CEP290: variants seen among roughly 807,000 people sequenced by gnomAD.
CEP290 encodes the protein centrosomal protein 290.
A neutral mutation model predicts 344.9 loss-of-function variants in CEP290; 317 were observed. That is an observed-to-expected ratio of 0.92 (90% CI 0.84 to 1.01). CEP290 has a LOEUF of 1.01. Among genes scored for constraint, CEP290 ranks in the 50% least tolerant of loss-of-function variants. The pLI is 0.00. For synonymous variants in CEP290, 932 were observed against 895.8 expected (o/e 1.04, Z -0.72); for missense variants, 2,754 against 2,761.4 (o/e 1.00, Z 0.06).
At chr12:88,080,574 C>T (rs938478041) in intron 37 of CEP290, among the ~76,000 whole-genome samples, 179 bp from the exon 38 acceptor site, 3 of 152,054 alleles carry the variant, frequency 2.0e-5, no homozygotes, top group African/African-American at 4.8e-5. Flanking sequence ...GGACTACGGG[C>T]GTGCACCATC....
At position 88,141,349 on chromosome 12, in the gene CEP290, G is replaced by A. The variant is rs1172845637; in HGVS notation, c.-27-15C>T. On this transcript the variant is annotated splice_polypyrimidine_tract_variant and intron_variant, in intron 1 of 53. Coordinates refer to ENST00000552810, the MANE Select transcript of CEP290 (RefSeq NM_025114.4). ...GTGCTCCACCTCTGTAACAAAACAG[G>A]TGTATATTAGCATTTTCAAGGTACA... The A allele has an allele frequency of 3.1e-6, 4 of 1,299,530 alleles. No individual in the cohort carries two copies. Among genetic ancestry groups the A allele is most frequent in the Non-Finnish European group, 3.3e-6 (3 of 920,114 alleles). 80.5% of individuals were successfully genotyped at this position (1,299,530 alleles called of 1,614,324 possible). A position where few individuals can be genotyped will look rare whatever the true frequency, so the allele number is the denominator to read the frequency against.
chr12:88,111,630 A>C (rs2038697795), intron 21 of CEP290, 64 bp downstream of exon 21: 3 of 1,374,776 alleles, frequency 2.2e-6, no homozygotes, highest in Non-Finnish European at 1.9e-6. Context: ...TAAAAAATTA[A>C]AAATTTCCTA....
rs1191221584 is a variant in CEP290 at position 88,096,983 on chromosome 12, AAGG to A, written c.3005_3007del (p.Ser1002del). The A allele has an allele frequency of 1.9e-6, 3 of 1,548,428 alleles. No individual in the cohort carries two copies. Among genetic ancestry groups the A allele is most frequent in the East Asian group, 2.3e-5 (1 of 42,672 alleles). ...ATTTATAGACTCCACTTGTTCTTTT[AAGG>A]AGATGTTTTCACACTGAATAAAGGA... On this transcript the variant is annotated inframe_deletion, in exon 27 of 54. Transcript: ENST00000552810.
In CEP290 at chr12:88,079,100, C is replaced by T. The variant is rs768888441; in HGVS notation, c.5356G>A (p.Glu1786Lys). The T allele has an allele frequency of 6.3e-7, 1 of 1,578,054 alleles. No individual in the cohort carries two copies. Among genetic ancestry groups the T allele is most frequent in the East Asian group, 2.3e-5 (1 of 43,072 alleles). ...CACGTGTTGATGTTCACCTTTAGCT[C>T]TCTAGTATGTCGATCAACGATTTGT... ...VQQIVDRHTR[E>K]LKTQVEDLNE... The change falls in exon 39 of 54, where the codon GAG becomes AAG. Residue 1786 changes from glutamate to lysine, a missense_variant. Transcript: ENST00000552810.
chr12:88,101,901 G>A (rs1320938481), intron 26 of CEP290, among the ~76,000 whole-genome samples: 5 of 152,110 alleles, frequency 3.3e-5, no homozygotes, highest in Admixed American at 6.6e-5. Flanking sequence ...GCAGCAGAAA[G>A]CAAACTGATT....
At chr12:88,092,241 C>T (rs970696486) in intron 29 of CEP290, among the ~76,000 whole-genome samples, 4 of 151,892 alleles carry the variant, frequency 2.6e-5, no homozygotes, top group African/African-American at 2.4e-5. Context: ...AGTAGATGCC[C>T]GATAAATGTA....
chr12:88,129,119 T>C (rs2039909382), intron 10 of CEP290, 84 bp from the exon 11 acceptor site: 2 of 612,826 alleles, frequency 3.3e-6, no homozygotes, highest in Non-Finnish European at 5.1e-6. Context: ...ATACATTATA[T>C]ATATAAATAT....
At chr12:88,091,635 T>G (rs2037051229) in intron 29 of CEP290, among the ~76,000 whole-genome samples, 1 of 152,122 alleles carries the variant, frequency 6.6e-6, no homozygotes, top group Admixed American at 6.5e-5. Flanking sequence ...TAAGTTAGTT[T>G]ATATCAAAAG....
intron 25 of CEP290, among the ~76,000 whole-genome samples, chr12:88,105,720 T>TTTCTTC (rs10670716): frequency 1.3e-5 from 2 of 151,842 alleles, no homozygotes; most frequent in African/African-American, 4.8e-5. Flanking sequence ...ATGGTTATCT[T>TTTCTTC]TTCTTCTTCT....
Position 88,096,924 on chromosome 12 carries a change from T to C in CEP290, c.3067A>G (p.Thr1023Ala). The change falls in exon 27 of 54, where the codon ACT (threonine) becomes GCT (alanine). Residue 1023 changes from threonine to alanine, a missense_variant. Thr to Ala is a moderately conservative substitution (Grantham distance 58). Transcript: ENST00000552810. ...TCCTGTTCCCAGGCTTGTTCAATAG[T>C]GTGAAGTTTTTCCTTGGTAATCTCC... ...ELEITKEKLH[T>A]IEQAWEQETK... 1 of 1,581,276 alleles carries C rather than the reference T, an allele frequency of 6.3e-7. No individual in the cohort carries two copies.
At position 88,059,944 on chromosome 12, in the gene CEP290, T is replaced by G; in HGVS notation, c.6599A>C (p.Glu2200Ala). The change falls in exon 48 of 54, where the codon GAA (glutamate) becomes GCA (alanine). Residue 2200 changes from glutamate to alanine, a missense_variant. Transcript: ENST00000552810. ...CCTTTCATTTTCAGCAATAATTTTTTCTGTGCCTTTGGTCTTGGATTCATA... is the reference window on the plus strand; with the variant it reads ...CCTTTCATTTTCAGCAATAATTTTTGCTGTGCCTTTGGTCTTGGATTCATA... ...MHYESKTKGTEKIIAENERLR... is the reference protein window; with the variant it reads ...MHYESKTKGTAKIIAENERLR... The G allele has an allele frequency of 6.3e-7, 1 of 1,593,806 alleles. No individual in the cohort carries two copies. The highest frequency in any genetic ancestry group is 2.2e-5 in the East Asian group (1 of 44,508).
intron 15 of CEP290, among the ~76,000 whole-genome samples, chr12:88,119,348 T>C (rs1369583975): frequency 6.6e-6 from 1 of 152,136 alleles, no homozygotes; most frequent in African/African-American, 2.4e-5. Context: ...GTCTGCACTA[T>C]CATAACACTC....
At chr12:88,055,410 G>A (rs1219644776) in intron 50 of CEP290, among the ~76,000 whole-genome samples, 166 bp downstream of exon 50, 2 of 152,144 alleles carry the variant, frequency 1.3e-5, no homozygotes, top group Admixed American at 6.5e-5. Context: ...GAATGAAGTC[G>A]TTGATGATCC....
At position 88,111,166 on chromosome 12, in the gene CEP290, TAAAATTTTCAATACCTGTAAC is replaced by T. The variant is rs2137706402; in HGVS notation, c.2367+15_2367+35del. 5 of 1,229,694 alleles carry T rather than the reference TAAAATTTTCAATACCTGTAAC, an allele frequency of 4.1e-6. No homozygotes were observed. The highest frequency in any genetic ancestry group is 2.9e-4 in the Middle Eastern group (1 of 3,410). The allele number at this position is 1,229,694 out of a possible 1,614,324, so 76.2% of individuals were successfully genotyped here. A position where few individuals can be genotyped will look rare whatever the true frequency, so the allele number is the denominator to read the frequency against. On this transcript the variant is annotated intron_variant, in intron 22 of 53. Coordinates refer to ENST00000552810, the MANE Select transcript of CEP290 (RefSeq NM_025114.4). ...ACCAATGATTTTTGTTATTCACATGTAAAATTTTCAATACCTGTAACAAAATTTTCAATACCTGTAACAAAT... is the reference window on the plus strand; with the variant it reads ...ACCAATGATTTTTGTTATTCACATGTAAAATTTTCAATACCTGTAACAAAT...
At chr12:88,071,949 AG>A in intron 41 of CEP290, 23 bp from the exon 42 acceptor site, 5 of 1,547,374 alleles carry the variant, frequency 3.2e-6, no homozygotes, top group Non-Finnish European at 4.3e-6. Context: ...CGAAGGAGGT[AG>A]GAAAATTACC....
At position 88,129,794 on chromosome 12, in the gene CEP290, T is replaced by C; in HGVS notation, c.752A>G (p.Glu251Gly). The C allele has an allele frequency of 6.7e-7, 1 of 1,483,986 alleles. No individual in the cohort carries two copies. Among genetic ancestry groups the C allele is most frequent in the Non-Finnish European group, 9.0e-7 (1 of 1,111,486 alleles). 91.9% of individuals were successfully genotyped at this position (1,483,986 alleles called of 1,614,324 possible). A position where few individuals can be genotyped will look rare whatever the true frequency, so the allele number is the denominator to read the frequency against. Residue 251 changes from glutamate (E) to glycine (G), a missense_variant, in exon 10 of 54, where the codon GAG becomes GGG. By Grantham distance (98) the Glu-to-Gly change is moderately conservative (BLOSUM62 -2). Transcript: ENST00000552810. ...TCTATTATATTCATCAGTCATCTTC[T>C]CCATTTCCTGTACAGACTCTTCTAA... is the stretch of plus-strand genomic sequence containing the variant. ...KNLEESVQEM[E>G]KMTDEYNRMK...
chr12:88,093,825 G>A lies in CEP290; in HGVS notation c.3254C>T (p.Thr1085Ile). Residue 1085 changes from threonine to isoleucine, a missense_variant, in exon 28 of 54, where the codon ACT (threonine) becomes ATT (isoleucine). Physicochemically the swap from Thr to Ile is moderately conservative, Grantham distance 89. Coordinates refer to ENST00000552810, the MANE Select transcript of CEP290 (RefSeq NM_025114.4). ...ACGTTCCTCCATTTGCTTTAACGAA[G>A]TCCGTAAGTGTTCATACATTTTTTG... ...HCQKMYEHLR[T>I]SLKQMEERNF... The A allele has an allele frequency of 6.2e-7, 1 of 1,612,560 alleles. No individual in the cohort carries two copies. The highest frequency in any genetic ancestry group is 8.5e-7 in the Non-Finnish European group (1 of 1,179,208).
chr12:88,126,824 A>G (rs2039759703), intron 11 of CEP290, among the ~76,000 whole-genome samples: 1 of 152,090 alleles, frequency 6.6e-6, no homozygotes, highest in Non-Finnish European at 1.5e-5. Flanking sequence ...AATGAAAGAA[A>G]AGGTATCTTG....
chr12:88,128,907 C>CA, intron 11 of CEP290, 39 bp downstream of exon 11: 1 of 1,272,378 alleles, frequency 7.9e-7, no homozygotes, highest in South Asian at 1.6e-5. Context: ...ATCTAAAATA[C>CA]AAAAAGAAAA....
Sources: gnomAD v4.1 joint callset for allele counts (sites outside exome capture counted in the v4.1 genomes callset) on GRCh38, gnomAD v4.1.1 for gene constraint, MANE v1.5 for transcripts, NCBI Gene and HGNC (gene_info 2026-07-23, HGNC 2026-07-21) for gene names.